The following DISC1 variants were observed in gnomAD, a reference collection of about 807,000 sequenced individuals.
DISC1 encodes DISC1 scaffold protein.
DISC1 carries 57 observed loss-of-function variants against 84.5 expected under a neutral mutation model. The observed-to-expected ratio is 0.67, with a 90% CI of 0.55 to 0.84. The LOEUF (loss-of-function observed/expected upper bound fraction) is 0.84, where lower values mean the gene tolerates loss of function less well. Ranked by LOEUF, DISC1 falls within the 40% of genes least tolerant of loss-of-function variation. The pLI, the probability that DISC1 is intolerant of heterozygous loss-of-function variation, is 0.00. For missense variants in DISC1, 1,000 were observed against 1,057.8 expected, an observed-to-expected ratio of 0.95 and a Z score of 0.76; for synonymous variants, 411 against 415.2, an observed-to-expected ratio of 0.99 and a Z score of 0.12.
intron 3 of DISC1, among the ~76,000 whole-genome samples, chr1:231,715,133 A>C (rs1241478997): frequency 6.6e-6 from 1 of 152,182 alleles, no homozygotes; most frequent in Non-Finnish European, 1.5e-5. Context: ...CCATAACCAA[A>C]GGGATGAGGT....
intron 1 of DISC1, among the ~76,000 whole-genome samples, chr1:231,669,871 G>A (rs1324795820): frequency 2.0e-5 from 3 of 151,986 alleles, no homozygotes; most frequent in Admixed American, 2.0e-4. Context: ...CTATTGTGGG[G>A]TATATACCCA....
intron 8 of DISC1, among the ~76,000 whole-genome samples, chr1:231,817,949 C>A (rs946638387): frequency 1.3e-5 from 2 of 152,160 alleles, no homozygotes; most frequent in East Asian, 1.9e-4. Flanking sequence ...ATGGCCCAGT[C>A]CCCTTCCACA....
At chr1:231,711,871 C>A (rs1035600802) in intron 3 of DISC1, among the ~76,000 whole-genome samples, 9 of 152,134 alleles carry the variant, frequency 5.9e-5, no homozygotes, top group Non-Finnish European at 1.5e-5. Context: ...TGATACCCAT[C>A]CCTCCCCAAA....
rs76412999 is a variant in DISC1 at position 231,835,952 on chromosome 1, T to G, written c.1981+17435T>G. The stretch of plus-strand genomic sequence containing the variant: ...AAACATTCTATTTCCACTCTGTGTA[T>G]TAATATGCATTGGACCTGGCCTTTC... On this transcript the variant is annotated intron_variant, in intron 9 of 12. Transcript: ENST00000439617. Among the ~76,000 whole-genome samples, 792 of 152,356 alleles carry G rather than the reference T, an allele frequency of 5.2e-3. 9 individuals carry two copies. The highest frequency in any genetic ancestry group is 0.019 in the African/African-American group (778 of 41,596).
rs11122351 is a variant in DISC1, at chr1:231,861,884, A to G, written c.1981+43367A>G. On this transcript the variant is annotated intron_variant, in intron 9 of 12. Transcript: ENST00000439617. ...TGTAGGCCTAGGAAGCTTTATATCT[A>G]TTTACAACAGCGACTAGGACCAATA... Among the ~76,000 whole-genome samples the G allele has an allele frequency of 9.6e-3, 1,455 of 152,270 alleles. 27 individuals carry two copies. Among genetic ancestry groups the G allele is most frequent in the African/African-American group, 0.033 (1,369 of 41,544 alleles).
In DISC1 at chr1:231,722,963, T is replaced by C. The variant is rs150377741; in HGVS notation, c.1117+20939T>C. 30 of 1,187,634 alleles carry C rather than the reference T, an allele frequency of 2.5e-5. No individual in the cohort carries two copies. In the East Asian group the frequency reaches 1.5e-3, roughly 61 times the overall value. 73.6% of individuals were successfully genotyped at this position (1,187,634 alleles called of 1,614,324 possible). On this transcript the variant is annotated intron_variant, in intron 3 of 12. Coordinates refer to ENST00000439617, the MANE Select transcript of DISC1 (RefSeq NM_018662.3). ...AAGCAAATGGAAAAATATGCTATGA[T>C]TAATGTCAGTTACGGGAATTAAACT...
intron 1 of DISC1, among the ~76,000 whole-genome samples, chr1:231,655,866 T>A (rs1437363176): frequency 6.6e-6 from 1 of 152,212 alleles, no homozygotes; most frequent in Non-Finnish European, 1.5e-5. Context: ...GTGAGCAGTT[T>A]TTCGTATGTT....
chr1:231,985,660 A>G (rs1346099800), intron 10 of DISC1, among the ~76,000 whole-genome samples: 1 of 152,246 alleles, frequency 6.6e-6, no homozygotes, highest in Non-Finnish European at 1.5e-5. Context: ...AGTTTTGCAC[A>G]TAATAATGAA....
At chr1:232,030,636 C>T (rs1484730466) in intron 12 of DISC1, among the ~76,000 whole-genome samples, 1 of 152,144 alleles carries the variant, frequency 6.6e-6, no homozygotes, top group African/African-American at 2.4e-5. Flanking sequence ...GCACAAATAC[C>T]ACAGCTCCGT....
chr1:231,777,091 CCTT>C (rs201530323), intron 6 of DISC1, among the ~76,000 whole-genome samples: 2,599 of 152,282 alleles, frequency 0.017, 56 homozygotes, highest in Admixed American at 0.054. Flanking sequence ...TCTGTCTTTG[CCTT>C]CTACCTGACT....
At chr1:231,900,281 C>T (rs1368940796) in intron 9 of DISC1, among the ~76,000 whole-genome samples, 1 of 152,154 alleles carries the variant, frequency 6.6e-6, no homozygotes, top group Non-Finnish European at 1.5e-5. Context: ...GCGCACATTC[C>T]CCGTTCATGG....
intron 9 of DISC1, among the ~76,000 whole-genome samples, chr1:231,923,410 T>C (rs1323314733): frequency 6.6e-6 from 1 of 152,026 alleles, no homozygotes; most frequent in East Asian, 1.9e-4. Context: ...CCAGTTGCCC[T>C]CAGTGCCCTC....
At chr1:231,942,040 T>C (rs940038733) in intron 9 of DISC1, among the ~76,000 whole-genome samples, 2 of 151,348 alleles carry the variant, frequency 1.3e-5, no homozygotes, top group African/African-American at 4.9e-5. Flanking sequence ...AAACCAGACG[T>C]GTGATCTGGG....
At chr1:231,879,435 G>A (rs1029405897) in intron 9 of DISC1, among the ~76,000 whole-genome samples, 2 of 151,902 alleles carry the variant, frequency 1.3e-5, no homozygotes, top group African/African-American at 4.8e-5. Context: ...ATGCATGAGA[G>A]CTCCCTTAAA....
chr1:231,871,741 G>A (rs1416177730), intron 9 of DISC1, among the ~76,000 whole-genome samples: 1 of 152,176 alleles, frequency 6.6e-6, no homozygotes, highest in Non-Finnish European at 1.5e-5. Context: ...TATAATGTTT[G>A]AATTTGCCTT....
chr1:232,014,375 C>A (rs1668291887), intron 11 of DISC1, among the ~76,000 whole-genome samples: 1 of 152,192 alleles, frequency 6.6e-6, no homozygotes, highest in African/African-American at 2.4e-5. Flanking sequence ...TACCCATCAG[C>A]TGGTTTTGCT....
intron 1 of DISC1, among the ~76,000 whole-genome samples, chr1:231,678,030 T>G (rs1441255860): frequency 6.6e-6 from 1 of 152,000 alleles, no homozygotes; most frequent in Non-Finnish European, 1.5e-5. Context: ...ACCCTCTCTG[T>G]GAATATTAAA....
At chr1:231,745,630 A>T (rs1415625925) in intron 3 of DISC1, 1 of 154,274 alleles carries the variant, frequency 6.5e-6, no homozygotes. Flanking sequence ...GCTGTAGAAC[A>T]CTAGAACTTA....
chr1:231,674,663 G>T (rs2062966034), intron 1 of DISC1, among the ~76,000 whole-genome samples: 1 of 152,224 alleles, frequency 6.6e-6, no homozygotes, highest in Non-Finnish European at 1.5e-5. Flanking sequence ...CACTTGTTGG[G>T]TACACAGAGT....
Sources: gnomAD v4.1 joint callset for allele counts (sites outside exome capture counted in the v4.1 genomes callset) on GRCh38, gnomAD v4.1.1 for gene constraint, MANE v1.5 for transcripts, NCBI Gene and HGNC (gene_info 2026-07-23, HGNC 2026-07-21) for gene names.